SHISA9: variants seen among roughly 807,000 people sequenced by gnomAD.
SHISA9 encodes protein shisa-9.
Under a neutral mutation model 38.0 loss-of-function variants are expected in SHISA9, and 13 were observed. The ratio of observed to expected loss-of-function variants is 0.34; its 90% CI spans 0.22 to 0.54. The LOEUF (loss-of-function observed/expected upper bound fraction) is 0.54. Among genes scored for constraint, SHISA9 ranks in the 20% least tolerant of loss-of-function variants. The pLI is 0.91. For missense variants in SHISA9, 538 were observed against 575.8 expected (o/e 0.93, Z 0.67); for synonymous variants, 275 against 242.0 (o/e 1.14, Z -1.27).
chr16:13,469,381 G>T, the SHISA9 span, among the ~76,000 whole-genome samples: 2 of 100,392 alleles, frequency 2.0e-5, no homozygotes, highest in Admixed American at 2.0e-4. Context: ...AAGAAAGAAA[G>T]AAAGAAAGAA....
intron 2 of SHISA9, among the ~76,000 whole-genome samples, chr16:13,141,913 G>A (rs1417901472): frequency 6.6e-6 from 1 of 152,170 alleles, no homozygotes; most frequent in Non-Finnish European, 1.5e-5. Context: ...CTTTATGTCT[G>A]TAATAACTGG....
intron 2 of SHISA9, among the ~76,000 whole-genome samples, chr16:13,180,522 A>C (rs528713698): frequency 1.3e-5 from 2 of 152,084 alleles, no homozygotes; most frequent in Non-Finnish European, 2.9e-5. Context: ...ACACAGTGAG[A>C]CCTTGTGTCT....
chr16:13,511,977 CA>C, the SHISA9 span, among the ~76,000 whole-genome samples: 1 of 152,024 alleles, frequency 6.6e-6, no homozygotes, highest in Non-Finnish European at 1.5e-5. Context: ...CCAGCCAGAG[CA>C]AAAAACTTCA....
At chr16:13,013,861 GGGACTACA>G (rs2072709298) in intron 2 of SHISA9, among the ~76,000 whole-genome samples, 1 of 152,132 alleles carries the variant, frequency 6.6e-6, no homozygotes, top group South Asian at 2.1e-4. Flanking sequence ...CTGAGTAGCT[GGGACTACA>G]GGTGCCCGCC....
At chr16:13,184,475 C>G (rs1233387145) in intron 2 of SHISA9, among the ~76,000 whole-genome samples, 1 of 152,182 alleles carries the variant, frequency 6.6e-6, no homozygotes, top group Non-Finnish European at 1.5e-5. Context: ...TTTAAATTTA[C>G]TTTATGATTT....
chr16:13,206,777 G>A (rs185240481), intron 3 of SHISA9, among the ~76,000 whole-genome samples: 42 of 152,268 alleles, frequency 2.8e-4, no homozygotes, highest in Admixed American at 2.0e-3. Context: ...CTCAACCCTC[G>A]TTATGTCCCA....
intron 2 of SHISA9, among the ~76,000 whole-genome samples, chr16:13,152,530 T>C (rs1381745056): frequency 2.6e-5 from 4 of 152,212 alleles, no homozygotes; most frequent in Non-Finnish European, 5.9e-5. Flanking sequence ...GTTTCAGAGT[T>C]CTGGAACTAG....
chr16:13,352,884 C>T, the SHISA9 span, among the ~76,000 whole-genome samples: 2 of 151,842 alleles, frequency 1.3e-5, no homozygotes, highest in Non-Finnish European at 1.5e-5. Flanking sequence ...AGGCAAGGAC[C>T]GGCCATTTAC....
At chr16:13,409,311 A>C in the SHISA9 span, among the ~76,000 whole-genome samples, 11 of 152,148 alleles carry the variant, frequency 7.2e-5, no homozygotes, top group Non-Finnish European at 1.3e-4. Context: ...TGTGTGACCC[A>C]ATTTTTCCAG....
At chr16:13,462,868 A>G in the SHISA9 span, among the ~76,000 whole-genome samples, 1 of 152,188 alleles carries the variant, frequency 6.6e-6, no homozygotes. Context: ...AGGCCGAGGC[A>G]GGAGAATCAC....
intron 2 of SHISA9, among the ~76,000 whole-genome samples, chr16:13,063,207 T>TTTTA (rs1174257636): frequency 6.6e-6 from 1 of 151,976 alleles, no homozygotes; most frequent in Non-Finnish European, 1.5e-5. Flanking sequence ...GGGATTTCAC[T>TTTTA]GTGTTAGCCA....
At chr16:13,488,680 T>A in the SHISA9 span, among the ~76,000 whole-genome samples, 1 of 152,244 alleles carries the variant, frequency 6.6e-6, no homozygotes, top group Non-Finnish European at 1.5e-5. Flanking sequence ...ATCATCTAAG[T>A]TTGTGTATGT....
chr16:13,041,209 G>A (rs1005817244), intron 2 of SHISA9, among the ~76,000 whole-genome samples: 2 of 152,122 alleles, frequency 1.3e-5, no homozygotes, highest in African/African-American at 4.8e-5. Flanking sequence ...AGGAGTGCAG[G>A]CCCCCACAAA....
At chr16:13,106,461 G>T (rs1025904007) in intron 2 of SHISA9, among the ~76,000 whole-genome samples, 9 of 152,112 alleles carry the variant, frequency 5.9e-5, no homozygotes, top group Non-Finnish European at 1.2e-4. Flanking sequence ...CCTACCCAGG[G>T]TGTGTGTGAA....
At chr16:12,993,475 A>G (rs2072415982) in intron 2 of SHISA9, among the ~76,000 whole-genome samples, 1 of 152,202 alleles carries the variant, frequency 6.6e-6, no homozygotes, top group South Asian at 2.1e-4. Context: ...CAATCAATAC[A>G]TCTAGAGCAG....
At chr16:13,203,250 T>C (rs2051023391) in intron 2 of SHISA9, 144 bp from the exon 3 acceptor site, 3 of 654,882 alleles carry the variant, frequency 4.6e-6, no homozygotes, top group South Asian at 7.8e-5. Context: ...TTGTGTCCCA[T>C]GTATCTGTGA....
At chr16:13,262,044 T>A in the SHISA9 span, among the ~76,000 whole-genome samples, 308 of 152,288 alleles carry the variant, frequency 2.0e-3, 1 homozygote, top group African/African-American at 6.9e-3. Context: ...TAGACATTAA[T>A]TAAATCAGTC....
At chr16:13,134,483 G>A (rs934749815) in intron 2 of SHISA9, among the ~76,000 whole-genome samples, 10 of 152,102 alleles carry the variant, frequency 6.6e-5, no homozygotes, top group African/African-American at 2.4e-4. Flanking sequence ...TATGGAGAAG[G>A]GGTGAGGAAA....
the SHISA9 span, among the ~76,000 whole-genome samples, chr16:13,255,901 C>G: frequency 2.6e-5 from 4 of 152,218 alleles, no homozygotes; most frequent in Non-Finnish European, 5.9e-5. Context: ...AGCTCACTCT[C>G]CATACTGCAG....
Sources: gnomAD v4.1 joint callset for allele counts (sites outside exome capture counted in the v4.1 genomes callset) on GRCh38, gnomAD v4.1.1 for gene constraint, MANE v1.5 for transcripts, NCBI Gene and HGNC (gene_info 2026-07-23, HGNC 2026-07-21) for gene names.